The following MAP2K4 variants were observed in gnomAD, a reference collection of about 807,000 sequenced individuals.
MAP2K4 encodes dual specificity mitogen-activated protein kinase kinase 4.
In MAP2K4, 4 loss-of-function variants were observed where a neutral mutation model predicts 48.5. The observed-to-expected ratio is 0.08, with a 90% CI of 0.04 to 0.19. The LOEUF is 0.19. MAP2K4 is among the 10% of genes least tolerant of loss of function. MAP2K4 has a pLI of 1.00. For missense variants in MAP2K4, 258 were observed against 493.3 expected, an observed-to-expected ratio of 0.52 and a Z score of 4.52; for synonymous variants, 166 against 173.1, an observed-to-expected ratio of 0.96 and a Z score of 0.32.
intron 2 of MAP2K4, among the ~76,000 whole-genome samples, chr17:12,068,007 T>G (rs572492119): frequency 3.3e-5 from 5 of 152,270 alleles, no homozygotes; most frequent in African/African-American, 1.2e-4. Flanking sequence ...GCTTCTAAAC[T>G]TGAGTGAGTT....
intron 1 of MAP2K4, among the ~76,000 whole-genome samples, chr17:12,028,793 G>A (rs549848809): frequency 2.0e-5 from 3 of 152,112 alleles, no homozygotes; most frequent in Non-Finnish European, 2.9e-5. Flanking sequence ...ACTTATGTCC[G>A]GCCCCACACC....
Position 12,130,211 on chromosome 17 carries a change from G to A in MAP2K4, c.1040+924G>A, listed in dbSNP as rs28921077. On this transcript the variant is annotated intron_variant, in intron 9 of 10. Transcript: ENST00000353533. ...TTGTATGAAAAATTTAAAAATATTT[G>A]TTTGACTATAGTTTTTAAGTCTCTT... Among the ~76,000 whole-genome samples, 118 of 152,120 alleles carry A rather than the reference G, an allele frequency of 7.8e-4. 1 individual carries two copies. The highest frequency in any genetic ancestry group is 2.7e-3 in the African/African-American group (111 of 41,530).
chr17:12,126,713 C>T (rs1472239350), intron 8 of MAP2K4, among the ~76,000 whole-genome samples: 2 of 152,252 alleles, frequency 1.3e-5, no homozygotes, highest in Non-Finnish European at 2.9e-5. Context: ...GGTGGGGACA[C>T]ACAAACATTC....
At chr17:12,089,642 G>A (rs572201579) in intron 3 of MAP2K4, among the ~76,000 whole-genome samples, 1 of 152,270 alleles carries the variant, frequency 6.6e-6, no homozygotes, top group South Asian at 2.1e-4. Context: ...CTGTGCAGCA[G>A]GGAGATGTAT....
intron 3 of MAP2K4, among the ~76,000 whole-genome samples, chr17:12,092,405 C>G (rs1293817501): frequency 6.6e-6 from 1 of 152,116 alleles, no homozygotes; most frequent in Non-Finnish European, 1.5e-5. Flanking sequence ...GGTAGTTATG[C>G]TCCTTTAATG....
At chr17:12,098,127 A>G (rs1176653707) in intron 4 of MAP2K4, among the ~76,000 whole-genome samples, 2 of 152,324 alleles carry the variant, frequency 1.3e-5, no homozygotes, top group South Asian at 2.1e-4. Flanking sequence ...TGTTACTTTT[A>G]TTAGTCACCT....
intron 1 of MAP2K4, among the ~76,000 whole-genome samples, chr17:12,039,346 C>G (rs1044771761): frequency 6.6e-6 from 1 of 152,116 alleles, no homozygotes; most frequent in Non-Finnish European, 1.5e-5. Context: ...ACCCCACTTT[C>G]TTTTTGGCAG....
rs981073668 is a variant in MAP2K4, at chr17:12,100,902, A to G, written c.513+5208A>G. Among the ~76,000 whole-genome samples, 12 of 152,076 alleles carry G rather than the reference A, an allele frequency of 7.9e-5. No homozygotes were observed. In the East Asian group the frequency reaches 2.1e-3, roughly 27 times the overall value. ...AAATCTGTTGTACATTTTTATTTAA[A>G]TTGGGTTTTTTTGTTATTCGGTTTT... On this transcript the variant is annotated intron_variant, in intron 4 of 10. Coordinates refer to ENST00000353533, the MANE Select transcript of MAP2K4 (RefSeq NM_003010.4).
At chr17:12,024,772 C>T (rs1027823833) in intron 1 of MAP2K4, among the ~76,000 whole-genome samples, 3 of 151,872 alleles carry the variant, frequency 2.0e-5, no homozygotes, top group African/African-American at 7.3e-5. Flanking sequence ...TTCTTTAGTC[C>T]AAGAAATTTT....
chr17:12,093,491 G>T (rs1434028813), intron 3 of MAP2K4, among the ~76,000 whole-genome samples: 1 of 152,104 alleles, frequency 6.6e-6, no homozygotes, highest in African/African-American at 2.4e-5. Flanking sequence ...TTGAGGTTTT[G>T]ACTGTAATAT....
At chr17:12,071,419 A>G (rs1970803972) in intron 2 of MAP2K4, among the ~76,000 whole-genome samples, 1 of 152,134 alleles carries the variant, frequency 6.6e-6, no homozygotes, top group Non-Finnish European at 1.5e-5. Context: ...GTTGAATCAT[A>G]GAAGATAGCC....
chr17:12,049,915 T>G (rs1370942931), intron 1 of MAP2K4, among the ~76,000 whole-genome samples: 1 of 152,164 alleles, frequency 6.6e-6, no homozygotes, highest in Admixed American at 6.5e-5. Flanking sequence ...CAGCATTATA[T>G]CAAAAAGGTT....
At chr17:12,131,234 C>CTTTTTTT (rs11307653) in intron 9 of MAP2K4, among the ~76,000 whole-genome samples, 3 of 130,934 alleles carry the variant, frequency 2.3e-5, no homozygotes, top group Non-Finnish European at 4.9e-5. Context: ...GGTCACATTT[C>CTTTTTTT]TTTTTTTTTT....
At chr17:12,089,463 G>A (rs1379124129) in intron 3 of MAP2K4, among the ~76,000 whole-genome samples, 1 of 152,104 alleles carries the variant, frequency 6.6e-6, no homozygotes, top group African/African-American at 2.4e-5. Flanking sequence ...TTTAATTGGT[G>A]CCTGGAAGAA....
intron 7 of MAP2K4, among the ~76,000 whole-genome samples, chr17:12,119,869 C>T (rs983722166): frequency 2.6e-5 from 4 of 152,002 alleles, no homozygotes; most frequent in African/African-American, 9.7e-5. Context: ...GTAGGCCATC[C>T]ATTAATATCT....
At chr17:12,036,900 CA>C (rs2090536279) in intron 1 of MAP2K4, among the ~76,000 whole-genome samples, 1 of 125,458 alleles carries the variant, frequency 8.0e-6, no homozygotes. Context: ...TCCCCCCCGC[CA>C]CCTTTTTTTT....
chr17:12,095,921 G>GTGTGTA (rs1166687526), intron 4 of MAP2K4, among the ~76,000 whole-genome samples: 12 of 150,132 alleles, frequency 8.0e-5, no homozygotes, highest in Admixed American at 4.0e-4. Context: ...GTGTGTGTGT[G>GTGTGTA]TGTGTGTATT....
intron 7 of MAP2K4, among the ~76,000 whole-genome samples, chr17:12,123,854 T>C (rs911980790): frequency 6.6e-6 from 1 of 152,200 alleles, no homozygotes; most frequent in Non-Finnish European, 1.5e-5. Context: ...GTTACTGATT[T>C]CTAATTTATT....
chr17:12,117,340 T>C (rs1293410284), intron 7 of MAP2K4, among the ~76,000 whole-genome samples: 1 of 152,136 alleles, frequency 6.6e-6, no homozygotes, highest in African/African-American at 2.4e-5. Context: ...AAAATTCACC[T>C]GACCTTATGC....
Sources: allele counts gnomAD v4.1 joint callset (sites outside exome capture counted in the v4.1 genomes callset), GRCh38; gene constraint gnomAD v4.1.1; transcripts MANE v1.5; gene names NCBI Gene and HGNC (gene_info 2026-07-23, HGNC 2026-07-21).